The following MPND variants were observed in gnomAD, a reference collection of about 807,000 sequenced individuals.
MPND encodes the protein MPN domain containing, also known as MPN domain-containing protein.
Under a neutral mutation model 59.2 loss-of-function variants are expected in MPND, and 56 were observed. The ratio of observed to expected loss-of-function variants is 0.95; its 90% CI spans 0.76 to 1.18. The LOEUF (loss-of-function observed/expected upper bound fraction) is 1.18. MPND is among the 50% of genes most tolerant of loss of function. The pLI is 0.00. For synonymous variants in MPND, 323 were observed against 291.9 expected, an observed-to-expected ratio of 1.11 and a Z score of -1.09; for missense variants, 671 against 676.0, an observed-to-expected ratio of 0.99 and a Z score of 0.08.
At chr19:4,359,869 G>T in intron 12 of MPND, 47 bp from the exon 13 acceptor site, 1 of 1,486,732 alleles carries the variant, frequency 6.7e-7, no homozygotes, top group South Asian at 1.2e-5. Context: ...GCGCAGGGCT[G>T]GCTAGGACCC....
At chr19:4,359,425 G>C (rs1432210542) in intron 12 of MPND, among the ~76,000 whole-genome samples, 170 bp downstream of exon 12, 4 of 152,154 alleles carry the variant, frequency 2.6e-5, no homozygotes, top group Non-Finnish European at 4.4e-5. Flanking sequence ...GTGCAGGCCA[G>C]ATTTGATTGG....
At chr19:4,353,713 C>T (rs1232974585) in intron 4 of MPND, 1 of 270,014 alleles carries the variant, frequency 3.7e-6, no homozygotes, top group African/African-American at 2.2e-5. Flanking sequence ...AGGTGTGCAC[C>T]ACCACACCCG....
intron 8 of MPND, among the ~76,000 whole-genome samples, chr19:4,355,909 C>T (rs991847008): frequency 1.4e-5 from 2 of 146,148 alleles, no homozygotes; most frequent in African/African-American, 5.1e-5. Flanking sequence ...GGATGGAGTG[C>T]AGGGCGCGAT....
intron 6 of MPND, among the ~76,000 whole-genome samples, 159 bp from the exon 7 acceptor site, chr19:4,354,790 G>A (rs543858723): frequency 7.2e-5 from 11 of 152,318 alleles, no homozygotes; most frequent in Middle Eastern, 3.4e-3. Flanking sequence ...CTTGAACTGG[G>A]GAGGCGGAGG....
Position 4,359,194 on chromosome 19 carries a change from C to T in MPND, c.1358C>T (p.Pro453Leu), listed in dbSNP as rs34522164. ...CTGGTGGAGTTCTACAAGGGTTCCC[C>T]TGACCTCGTGAGGCTCCAGGAACCC... is the stretch of plus-strand genomic sequence containing the variant. ...MLLVEFYKGS[P>L]DLVRLQEPWS... Residue 453 changes from proline (P) to leucine (L), a missense_variant, in exon 12 of 13, where the codon CCT (proline) becomes CTT (leucine). Physicochemically the swap from Pro to Leu is moderately conservative, Grantham distance 98 (BLOSUM62 -3). Coordinates refer to ENST00000599840, the MANE Select transcript of MPND (RefSeq NM_001300862.2). 65,007 of 1,613,156 alleles carry T rather than the reference C, an allele frequency of 0.04. 1,557 individuals carry two copies. The highest frequency in any genetic ancestry group is 0.047 in the Non-Finnish European group (55,472 of 1,179,520).
chr19:4,357,310 CCACA>C lies in MPND; in HGVS notation c.1057_1060del (p.His353AlafsTer54). The C allele has an allele frequency of 6.2e-7, 1 of 1,613,112 alleles. No homozygotes were observed. Among genetic ancestry groups the C allele is most frequent in the Non-Finnish European group, 8.5e-7 (1 of 1,179,934 alleles). On this transcript the variant is annotated frameshift_variant, in exon 9 of 13. Coordinates refer to ENST00000599840, the MANE Select transcript of MPND (RefSeq NM_001300862.2). LOFTEE classifies it high-confidence loss of function. ...CCTGGTGGGCTGGTACCACAGCCAC[CCACA>C]CAGCCCGGCGCTGCCATCTCTGCAG...
In MPND at chr19:4,343,720, T is replaced by C; in HGVS notation, c.20T>C (p.Leu7Pro). The C allele has an allele frequency of 1.7e-6, 2 of 1,202,890 alleles. No individual in the cohort carries two copies. Among genetic ancestry groups the C allele is most frequent in the South Asian group, 8.3e-5 (2 of 24,178 alleles). 74.5% of individuals were successfully genotyped at this position (1,202,890 alleles called of 1,614,324 possible). A position where few individuals can be genotyped will look rare whatever the true frequency, so the allele number is the denominator to read the frequency against. Residue 7 changes from leucine to proline, a missense_variant, in exon 2 of 13, where the codon CTG becomes CCG. By Grantham distance (98) the Leu-to-Pro change is moderately conservative. Transcript: ENST00000599840. MAAPEP[L>P]SPAGGAGEEA... The stretch of plus-strand genomic sequence containing the variant: ...TCGCTGTCCGCAGCTCCGGAGCCGC[T>C]GTCCCCGGCGGGCGGTGCGGGCGAG...
At chr19:4,351,751 A>T (rs1403333534) in intron 3 of MPND, among the ~76,000 whole-genome samples, 1 of 150,746 alleles carries the variant, frequency 6.6e-6, no homozygotes, top group Non-Finnish European at 1.5e-5. Context: ...AATCCCAGCT[A>T]CTCGGGAGGC....
chr19:4,352,192 AAAG>A (rs1441968315), intron 3 of MPND, among the ~76,000 whole-genome samples: 3 of 152,008 alleles, frequency 2.0e-5, no homozygotes, highest in African/African-American at 7.2e-5. Flanking sequence ...AAAAAAGATA[AAAG>A]AATAGATAGA....
In MPND at chr19:4,357,373, C is replaced by T. The variant is rs781234744; in HGVS notation, c.1117C>T (p.Leu373=). 6.2e-7 allele frequency: 1 copy of T among 1,613,038 alleles called. No homozygotes were observed. Among genetic ancestry groups the T allele is most frequent in the South Asian group, 1.1e-5 (1 of 91,056 alleles). The part of the protein sequence containing the change: ...IDAQMDYQLR[L]QGSSNGFQPC... ...CGCACAGATGGACTACCAGCTGCGG[C>T]TGCAGGGCTCCAGCAATGGCTTCCA... The change falls in exon 9 of 13, where the codon CTG becomes TTG. Residue 373 remains leucine (L), a synonymous_variant. Coordinates refer to ENST00000599840, the MANE Select transcript of MPND (RefSeq NM_001300862.2).
intron 3 of MPND, among the ~76,000 whole-genome samples, chr19:4,346,399 G>A (rs148822104): frequency 6.2e-4 from 95 of 152,180 alleles, no homozygotes; most frequent in Non-Finnish European, 9.9e-4. Context: ...ACTTGACCAA[G>A]GACCCTTTGT....
intron 3 of MPND, among the ~76,000 whole-genome samples, chr19:4,349,265 G>A (rs1167877645): frequency 6.6e-6 from 1 of 151,990 alleles, no homozygotes; most frequent in Non-Finnish European, 1.5e-5. Context: ...TATTAGAGAT[G>A]CGGTTTCACC....
Position 4,354,318 on chromosome 19 carries a change from C to T in MPND, c.750-6C>T. On this transcript the variant is annotated splice_polypyrimidine_tract_variant and splice_region_variant and intron_variant, in intron 5 of 12. Transcript: ENST00000599840. ...TGAGACTGTGCGACCCTCCTGGCCC[C>T]TACAGGAACCCCCACACCCTGGTGG... 3 of 1,555,256 alleles carry T rather than the reference C, an allele frequency of 1.9e-6. No homozygotes were observed. Among genetic ancestry groups the T allele is most frequent in the Non-Finnish European group, 2.6e-6 (3 of 1,148,524 alleles).
chr19:4,344,061 C>T, intron 2 of MPND, 67 bp downstream of exon 2: 1 of 1,146,130 alleles, frequency 8.7e-7, no homozygotes, highest in Middle Eastern at 2.2e-4. Context: ...GCCTGGAGTT[C>T]CCTTGCTGCA....
At chr19:4,349,389 C>T (rs1044541619) in intron 3 of MPND, among the ~76,000 whole-genome samples, 4 of 152,120 alleles carry the variant, frequency 2.6e-5, no homozygotes, top group Non-Finnish European at 5.9e-5. Context: ...ATTCCTTTGC[C>T]TTGGTGGGAA....
chr19:4,343,898 C>T lies in MPND; in HGVS notation c.198C>T (p.Pro66=). ...CCGGGGCGGGGGGCTGCGGCGGGCCCGGGGGCGCGCTCACCAGGCGCGCGG... is the reference window on the plus strand; with the variant it reads ...CCGGGGCGGGGGGCTGCGGCGGGCCTGGGGGCGCGCTCACCAGGCGCGCGG... ...GGAGAGGCGG[P]GGALTRRAVT... Residue 66 remains proline (P), a synonymous_variant, in exon 2 of 13, where the codon CCC becomes CCT. Coordinates refer to ENST00000599840, the MANE Select transcript of MPND (RefSeq NM_001300862.2). 8.0e-7 allele frequency: 1 copy of T among 1,256,358 alleles called. No individual in the cohort carries two copies. The highest frequency in any genetic ancestry group is 9.9e-7 in the Non-Finnish European group (1 of 1,005,510). The allele number at this position is 1,256,358 out of a possible 1,614,324, so 77.8% of individuals were successfully genotyped here. A position where few individuals can be genotyped will look rare whatever the true frequency, so the allele number is the denominator to read the frequency against.
rs1481346751 is a variant in MPND at position 4,357,404 on chromosome 19, G to A, written c.1148G>A (p.Cys383Tyr). 3 of 1,612,736 alleles carry A rather than the reference G, an allele frequency of 1.9e-6. No individual in the cohort carries two copies. The African/African-American group carries it at 4.0e-5, about 21-fold the overall frequency. ...GGCTCCAGCAATGGCTTCCAGCCCTGCCTCGCCCTGCTCTGCTGTACGCGG... is the reference window on the plus strand; with the variant it reads ...GGCTCCAGCAATGGCTTCCAGCCCTACCTCGCCCTGCTCTGCTGTACGCGG... ...LQGSSNGFQPCLALLCSPYYS... is the reference protein window; with the variant it reads ...LQGSSNGFQPYLALLCSPYYS... The change falls in exon 9 of 13, where the codon TGC becomes TAC. Residue 383 changes from cysteine to tyrosine, a missense_variant. Physicochemically the swap from Cys to Tyr is radical, Grantham distance 194. Transcript: ENST00000599840.
chr19:4,354,354 CT>C lies in MPND; in HGVS notation c.783del (p.Phe261LeufsTer28). On this transcript the variant is annotated frameshift_variant, in exon 6 of 13. Coordinates refer to ENST00000599840, the MANE Select transcript of MPND (RefSeq NM_001300862.2). LOFTEE classifies it high-confidence loss of function. ...CCCACACCCTGGTGGAAGTAACATC[CT>C]TTGCAGCCATCAACAAGTTCCAGCC... Reference protein sequence around the residue: ...NPHTLVEVTSFAAINKFQPFN... With the variant: ...NPHTLVEVTSXAAINKFQPFN... 1 of 1,561,832 alleles carries C rather than the reference CT, an allele frequency of 6.4e-7. No individual in the cohort carries two copies. The highest frequency in any genetic ancestry group is 8.7e-7 in the Non-Finnish European group (1 of 1,151,648).
In MPND at chr19:4,345,070, CAG is replaced by C. The variant is rs1326201098; in HGVS notation, c.295-672_295-671del. On this transcript the variant is annotated intron_variant, in intron 2 of 12. Coordinates refer to ENST00000599840, the MANE Select transcript of MPND (RefSeq NM_001300862.2). ...TTTTTTTTTTTTTTTTTTTTTGAGA[CAG>C]AGTCTCGCGCTGTTGCCCAGGCTGG... Among the ~76,000 whole-genome samples the C allele has an allele frequency of 2.1e-3, 191 of 90,438 alleles. 2 individuals are homozygous for C. The highest frequency in any genetic ancestry group is 8.2e-3 in the African/African-American group (182 of 22,208). 59.3% of individuals were successfully genotyped at this position (90,438 alleles called of 152,430 possible). A position where few individuals can be genotyped will look rare whatever the true frequency, so the allele number is the denominator to read the frequency against.
Sources: allele counts gnomAD v4.1 joint callset (sites outside exome capture counted in the v4.1 genomes callset), GRCh38; gene constraint gnomAD v4.1.1; transcripts MANE v1.5; gene names NCBI Gene and HGNC (gene_info 2026-07-23, HGNC 2026-07-21).